Variants in PPP3CB observed in about 807,000 individuals in gnomAD.
The protein encoded by PPP3CB is serine/threonine-protein phosphatase 2B catalytic subunit beta isoform.
Under a neutral mutation model 66.4 loss-of-function variants are expected in PPP3CB, and 8 were observed. The ratio of observed to expected loss-of-function variants is 0.12; its 90% CI spans 0.07 to 0.22. The LOEUF (loss-of-function observed/expected upper bound fraction) is 0.22, where lower values mean the gene tolerates loss of function less well. Ranked by LOEUF, PPP3CB falls within the 10% of genes least tolerant of loss-of-function variation. The pLI is 1.00. For synonymous variants in PPP3CB, 208 were observed against 221.2 expected, an observed-to-expected ratio of 0.94 and a Z score of 0.53; for missense variants, 319 against 642.5, an observed-to-expected ratio of 0.50 and a Z score of 5.44.
rs563222635 is a variant in PPP3CB at position 73,459,790 on chromosome 10, G to A, written c.1109-5301C>T. 2.0e-5 allele frequency among the ~76,000 whole-genome samples: 3 copies of A among 152,244 alleles called. 1 individual carries two copies. Among genetic ancestry groups the A allele is most frequent in the South Asian group, 4.1e-4 (2 of 4,824 alleles). ...GGACAGCAGATTGGTGGTTACCTAG[G>A]GTTAGCAAGGGGGGTTAGGGGAAAA... On this transcript the variant is annotated intron_variant, in intron 9 of 13. Transcript: ENST00000360663.
rs2056077446 is a variant in PPP3CB at position 73,436,694 on chromosome 10, T to C, written c.*1548A>G. 1 of 152,184 alleles carries C rather than the reference T, an allele frequency of 6.6e-6. No individual in the cohort carries two copies. Among genetic ancestry groups the C allele is most frequent in the South Asian group, 2.1e-4 (1 of 4,830 alleles). 9.4% of individuals were successfully genotyped at this position (152,184 alleles called of 1,614,324 possible). On this transcript the variant is annotated 3_prime_UTR_variant, in exon 14 of 14. Coordinates refer to ENST00000360663, the MANE Select transcript of PPP3CB (RefSeq NM_021132.4). ...TTTAATTAATCAAATTACCATGAAC[T>C]ATCCACGAGATAATCTCCGGAGGAC... is the stretch of plus-strand genomic sequence containing the variant.
At position 73,482,395 on chromosome 10, in the gene PPP3CB, T is replaced by C. The variant is rs2056893536; in HGVS notation, c.86-2878A>G. Among the ~76,000 whole-genome samples, 4 of 151,326 alleles carry C rather than the reference T, an allele frequency of 2.6e-5. 1 individual carries two copies. In the South Asian group the frequency reaches 8.4e-4, roughly 32 times the overall value. Reference sequence around the variant, plus strand: ...CCGTCTCTACTAAAAATACAAAAATTAGCTGGGTGTGGTGGTGCACACCTG... The same window carrying C: ...CCGTCTCTACTAAAAATACAAAAATCAGCTGGGTGTGGTGGTGCACACCTG... On this transcript the variant is annotated intron_variant, in intron 1 of 13. Transcript: ENST00000360663.
intron 1 of PPP3CB, among the ~76,000 whole-genome samples, chr10:73,480,408 TA>T (rs1055722370): frequency 6.6e-6 from 1 of 151,846 alleles, no homozygotes; most frequent in African/African-American, 2.4e-5. Flanking sequence ...TGCATATGTG[TA>T]AAATGTTACC....
intron 1 of PPP3CB, among the ~76,000 whole-genome samples, chr10:73,487,849 A>G (rs2057009751): frequency 1.3e-5 from 2 of 149,654 alleles, no homozygotes; most frequent in Admixed American, 6.7e-5. Flanking sequence ...GTGAGATCTC[A>G]GCTCATGGCA....
In PPP3CB at chr10:73,438,105, G is replaced by C. The variant is rs1326587128; in HGVS notation, c.*137C>G. On this transcript the variant is annotated 3_prime_UTR_variant, in exon 14 of 14. Coordinates refer to ENST00000360663, the MANE Select transcript of PPP3CB (RefSeq NM_021132.4). ...GCCCTCAAGCCTCCATCCAGGAAGGGGGCTAGGGTCTCAGAAGCACAATGG... is the reference window on the plus strand; with the variant it reads ...GCCCTCAAGCCTCCATCCAGGAAGGCGGCTAGGGTCTCAGAAGCACAATGG... 1.1e-5 allele frequency: 9 copies of C among 847,864 alleles called. No individual in the cohort carries two copies. The highest frequency in any genetic ancestry group is 3.5e-5 in the African/African-American group (2 of 57,508). 52.5% of individuals were successfully genotyped at this position (847,864 alleles called of 1,614,324 possible).
chr10:73,485,898 A>C (rs1589717995), intron 1 of PPP3CB, among the ~76,000 whole-genome samples: 1 of 127,636 alleles, frequency 7.8e-6, no homozygotes, highest in African/African-American at 2.9e-5. Flanking sequence ...ACACCACCAC[A>C]CCTGGCTAAT....
intron 12 of PPP3CB, chr10:73,444,466 G>A (rs2056213441): frequency 1.0e-6 from 1 of 1,003,692 alleles, no homozygotes; most frequent in Non-Finnish European, 1.4e-6. Context: ...TATGATATGA[G>A]CTGCTCCCAT....
chr10:73,481,232 G>T (rs921747747), intron 1 of PPP3CB, among the ~76,000 whole-genome samples: 16 of 150,560 alleles, frequency 1.1e-4, no homozygotes, highest in Non-Finnish European at 2.1e-4. Flanking sequence ...CCAGACTTGG[G>T]AGGCCAAGGC....
intron 9 of PPP3CB, among the ~76,000 whole-genome samples, chr10:73,466,792 C>A (rs775200397): frequency 2.0e-5 from 3 of 152,032 alleles, no homozygotes; most frequent in East Asian, 1.9e-4. Flanking sequence ...GAGGGGGATA[C>A]TGAACAAAAT....
chr10:73,491,997 TAAAC>T (rs969098489), intron 1 of PPP3CB, among the ~76,000 whole-genome samples: 49 of 150,496 alleles, frequency 3.3e-4, no homozygotes, highest in Non-Finnish European at 6.2e-4. Context: ...AATAAATAAA[TAAAC>T]AAAAAGTAAT....
chr10:73,466,705 A>G (rs1477231520), intron 9 of PPP3CB, among the ~76,000 whole-genome samples: 1 of 152,222 alleles, frequency 6.6e-6, no homozygotes, highest in East Asian at 1.9e-4. Flanking sequence ...TTTCAGAACT[A>G]CAAATTGCCT....
At chr10:73,482,749 C>G (rs551005358) in intron 1 of PPP3CB, among the ~76,000 whole-genome samples, 26 of 151,872 alleles carry the variant, frequency 1.7e-4, no homozygotes, top group Admixed American at 1.6e-3. Context: ...TCCCAAGTAG[C>G]TCGGATTACA....
chr10:73,454,695 C>A (rs2056396136), intron 9 of PPP3CB, among the ~76,000 whole-genome samples: 1 of 148,038 alleles, frequency 6.8e-6, no homozygotes, highest in Non-Finnish European at 1.5e-5. Context: ...GAAAGAGATT[C>A]TTTATGGAAC....
At chr10:73,466,161 GA>G (rs755150414) in intron 9 of PPP3CB, among the ~76,000 whole-genome samples, 55 of 152,284 alleles carry the variant, frequency 3.6e-4, no homozygotes, top group Non-Finnish European at 7.1e-4. Context: ...TGGGCTAAAT[GA>G]CTGTTATATC....
At chr10:73,493,044 G>A (rs1445747177) in intron 1 of PPP3CB, among the ~76,000 whole-genome samples, 2 of 152,078 alleles carry the variant, frequency 1.3e-5, no homozygotes, top group Admixed American at 6.6e-5. Flanking sequence ...GGGAGGCCAC[G>A]GTGGGAGGAT....
At chr10:73,441,204 G>C (rs923324288) in intron 12 of PPP3CB, among the ~76,000 whole-genome samples, 1 of 152,224 alleles carries the variant, frequency 6.6e-6, no homozygotes, top group Non-Finnish European at 1.5e-5. Context: ...AACTAAGTTA[G>C]AAAATGTTGA....
chr10:73,465,692 A>G (rs566349465), intron 9 of PPP3CB, among the ~76,000 whole-genome samples: 2 of 152,326 alleles, frequency 1.3e-5, no homozygotes, highest in Admixed American at 1.3e-4. Context: ...CAGGAACTAG[A>G]CCCAGAGTCC....
intron 11 of PPP3CB, among the ~76,000 whole-genome samples, 164 bp downstream of exon 11, chr10:73,446,328 G>C (rs1420410402): frequency 1.3e-5 from 2 of 151,878 alleles, no homozygotes; most frequent in Non-Finnish European, 2.9e-5. Flanking sequence ...TCAAACTCCT[G>C]ACCTCAGGTG....
intron 11 of PPP3CB, among the ~76,000 whole-genome samples, chr10:73,446,177 G>A (rs1336708493): frequency 4.7e-5 from 7 of 149,158 alleles, no homozygotes; most frequent in South Asian, 2.1e-4. Context: ...TCGGCTCACC[G>A]CAACTTCTGC....
Sources: gnomAD v4.1 joint callset for allele counts (sites outside exome capture counted in the v4.1 genomes callset) on GRCh38, gnomAD v4.1.1 for gene constraint, MANE v1.5 for transcripts, NCBI Gene and HGNC (gene_info 2026-07-23, HGNC 2026-07-21) for gene names.